The following TCF20 variants were observed in gnomAD, a reference collection of about 807,000 sequenced individuals.
TCF20 encodes SPRE-binding protein.
A neutral mutation model predicts 148.6 loss-of-function variants in TCF20; 3 were observed. That is an observed-to-expected ratio of 0.02 (90% CI 0.01 to 0.05). TCF20 has a LOEUF of 0.05. TCF20 is among the 10% of genes least tolerant of loss of function. TCF20 has a pLI of 1.00. For synonymous variants in TCF20, 1,049 were observed against 909.5 expected (o/e 1.15, Z -2.76); for missense variants, 2,350 against 2,429.3 (o/e 0.97, Z 0.69).
chr22:42,293,843 T>C (rs1927176795), intron 1 of TCF20, among the ~76,000 whole-genome samples: 1 of 152,052 alleles, frequency 6.6e-6, no homozygotes, highest in Non-Finnish European at 1.5e-5. Context: ...CTACTAACAT[T>C]ACAAAAATTA....
At chr22:42,294,333 C>A (rs1399382613) in intron 1 of TCF20, among the ~76,000 whole-genome samples, 1 of 152,254 alleles carries the variant, frequency 6.6e-6, no homozygotes, top group Non-Finnish European at 1.5e-5. Flanking sequence ...TTCTCTTGCT[C>A]TCCCAGCCTG....
At chr22:42,277,212 C>T (rs1422502764) in intron 1 of TCF20, among the ~76,000 whole-genome samples, 19 of 152,208 alleles carry the variant, frequency 1.2e-4, no homozygotes, top group Non-Finnish European at 2.8e-4. Context: ...AAGTCTTACT[C>T]AAATGCCACC....
At chr22:42,179,793 C>A in intron 2 of TCF20, 91 bp from the exon 3 acceptor site, 2 of 830,628 alleles carry the variant, frequency 2.4e-6, no homozygotes, top group African/African-American at 1.7e-5. Flanking sequence ...TAGACCTCAG[C>A]ACGTGTCTCT....
At chr22:42,192,180 A>G (rs1356442421) in intron 2 of TCF20, among the ~76,000 whole-genome samples, 1 of 152,140 alleles carries the variant, frequency 6.6e-6, no homozygotes, top group African/African-American at 2.4e-5. Context: ...CAGAAAGCCA[A>G]TTACTGGAAG....
intron 3 of TCF20, among the ~76,000 whole-genome samples, chr22:42,176,603 C>A (rs1288157122): frequency 6.6e-6 from 1 of 152,212 alleles, no homozygotes; most frequent in Non-Finnish European, 1.5e-5. Context: ...ATGACAAGCA[C>A]CATGCTACTT....
chr22:42,227,584 G>T (rs1047927945), intron 1 of TCF20, among the ~76,000 whole-genome samples: 18 of 152,154 alleles, frequency 1.2e-4, no homozygotes, highest in African/African-American at 3.9e-4. Context: ...TTTGAATTTT[G>T]TCAGCTGTCC....
chr22:42,215,079 T>C lies in TCF20; in HGVS notation c.227A>G (p.His76Arg), dbSNP rs778325135. 1.9e-6 allele frequency: 3 copies of C among 1,614,190 alleles called. No individual in the cohort carries two copies. The East Asian group carries it at 6.7e-5, about 36-fold the overall frequency. Residue 76 changes from histidine to arginine, a missense_variant, in exon 2 of 6, where the codon CAT becomes CGT. Physicochemically the swap from His to Arg is conservative, Grantham distance 29. Coordinates refer to ENST00000677622, the MANE Select transcript of TCF20 (RefSeq NM_001378418.1). ...AAAMASETSG[H>R]QGYQGFRKEA... ...TTTCCTGAAACCCTGGTAACCTTGA[T>C]GGCCAGAGGTCTCGCTAGCCATCGC...
chr22:42,310,296 G>C (rs1048871992), intron 1 of TCF20, among the ~76,000 whole-genome samples: 1 of 152,132 alleles, frequency 6.6e-6, no homozygotes, highest in African/African-American at 2.4e-5. Context: ...ACTTGCTAAG[G>C]GCCTACTATG....
At chr22:42,244,443 T>C (rs1214773769) in intron 1 of TCF20, among the ~76,000 whole-genome samples, 1 of 152,190 alleles carries the variant, frequency 6.6e-6, no homozygotes, top group Non-Finnish European at 1.5e-5. Flanking sequence ...AAACTGAGTA[T>C]GTATTCAGCC....
Position 42,227,377 on chromosome 22 carries a change from T to G in TCF20, c.-36-12036A>C, listed in dbSNP as rs184355445. Among the ~76,000 whole-genome samples the G allele has an allele frequency of 5.9e-4, 90 of 152,354 alleles. 2 individuals carry two copies. The South Asian group carries it at 0.014, about 23-fold the overall frequency. On this transcript the variant is annotated intron_variant, in intron 1 of 5. Transcript: ENST00000677622. ...TCTTTCAACGAGATTCTCCAACTGA[T>G]GCTTTACCTCATTTGCTCCATTATC...
chr22:42,163,620 G>A (rs1331962203), intron 5 of TCF20, among the ~76,000 whole-genome samples: 3 of 152,202 alleles, frequency 2.0e-5, no homozygotes, highest in East Asian at 1.9e-4. Flanking sequence ...CCAAAGCGAC[G>A]TGGCCAGAGG....
chr22:42,187,333 TTA>T (rs1262797572), intron 2 of TCF20, among the ~76,000 whole-genome samples: 1 of 152,194 alleles, frequency 6.6e-6, no homozygotes, highest in East Asian at 1.9e-4. Flanking sequence ...TGAAATAAAA[TTA>T]TATATTTAGA....
rs1337528686 is a variant in TCF20, at chr22:42,279,181, T to C, written c.-37+4646A>G. ...GACTCCCAGCATCATCATCTGCCTC[T>C]GTGCCTTCTTGGTAGTAGGTGGGTG... On this transcript the variant is annotated intron_variant, in intron 1 of 5. Transcript: ENST00000359486. The surrounding 1 kb of genome is among the most constrained non-coding windows in gnomAD (Gnocchi z 4.3). Among the ~76,000 whole-genome samples the C allele has an allele frequency of 6.6e-6, 1 of 152,154 alleles. No individual in the cohort carries two copies. Among genetic ancestry groups the C allele is most frequent in the African/African-American group, 2.4e-5 (1 of 41,444 alleles).
At position 42,210,221 on chromosome 22, in the gene TCF20, T is replaced by C. The variant is rs778316403; in HGVS notation, c.5085A>G (p.Thr1695=). Residue 1695 remains threonine (T), a synonymous_variant, in exon 2 of 6, where the codon ACA becomes ACG. Coordinates refer to ENST00000677622, the MANE Select transcript of TCF20 (RefSeq NM_001378418.1). This position sits in a 1 kb window ranked among gnomAD's most constrained non-coding sequence, Gnocchi z 4.7. ...CCAGGTGCCCCATAACCGAAGACTC[T>C]GTCACAACAGGTCCCTGCAGCATAA... ...SSFMLQGPVV[T]ESSVMGHLVC... 25 of 1,614,162 alleles carry C rather than the reference T, an allele frequency of 1.5e-5. No homozygotes were observed. Among genetic ancestry groups the C allele is most frequent in the Non-Finnish European group, 1.9e-5 (23 of 1,180,028 alleles).
intron 1 of TCF20, among the ~76,000 whole-genome samples, chr22:42,315,555 AG>A (rs775921441): frequency 5.3e-5 from 8 of 152,368 alleles, no homozygotes; most frequent in Middle Eastern, 3.4e-3. Context: ...CTCTGGGCAA[AG>A]TCCTGGGCTG....
intron 1 of TCF20, among the ~76,000 whole-genome samples, chr22:42,220,537 TC>T (rs1263608019): frequency 6.6e-6 from 1 of 152,146 alleles, no homozygotes; most frequent in African/African-American, 2.4e-5. Context: ...TTATTCTCCT[TC>T]TTTGCCTTTA....
intron 1 of TCF20, among the ~76,000 whole-genome samples, chr22:42,319,661 A>C (rs9623561): frequency 6.6e-6 from 1 of 152,206 alleles, no homozygotes; most frequent in Admixed American, 6.5e-5. Flanking sequence ...ACCCCCGATG[A>C]GTATCAGGAT....
intron 2 of TCF20, among the ~76,000 whole-genome samples, chr22:42,183,414 G>A (rs1936876169): frequency 6.6e-6 from 1 of 152,194 alleles, no homozygotes; most frequent in Non-Finnish European, 1.5e-5. Flanking sequence ...GCCCATAAAA[G>A]CAAACGATTC....
chr22:42,222,736 T>A (rs900608965), intron 1 of TCF20, among the ~76,000 whole-genome samples: 1 of 152,224 alleles, frequency 6.6e-6, no homozygotes, highest in Non-Finnish European at 1.5e-5. Flanking sequence ...GTGTTATCCA[T>A]GTGATTTTCT....
Sources: allele counts gnomAD v4.1 joint callset (sites outside exome capture counted in the v4.1 genomes callset), GRCh38; gene constraint gnomAD v4.1.1; non-coding constraint Gnocchi (gnomAD v3.1); transcripts MANE v1.5; gene names NCBI Gene and HGNC (gene_info 2026-07-23, HGNC 2026-07-21).